SGCD: variants seen among roughly 807,000 people sequenced by gnomAD.
The protein encoded by SGCD is delta-sarcoglycan.
SGCD carries 18 observed loss-of-function variants against 36.6 expected under a neutral mutation model. That is an observed-to-expected ratio of 0.49 (90% confidence interval 0.34 to 0.73). The LOEUF (loss-of-function observed/expected upper bound fraction) is 0.73. SGCD is among the 30% of genes least tolerant of loss of function. The pLI is 0.01. For synonymous variants in SGCD, 133 were observed against 130.6 expected, an observed-to-expected ratio of 1.02 and a Z score of -0.12; for missense variants, 387 against 346.7, an observed-to-expected ratio of 1.12 and a Z score of -0.92.
chr5:156,456,838 T>TTTCA (rs1754285586), intron 3 of SGCD, among the ~76,000 whole-genome samples: 1 of 152,188 alleles, frequency 6.6e-6, no homozygotes, highest in South Asian at 2.1e-4. Flanking sequence ...ACTTGGCAGG[T>TTTCA]TTCATTCATT....
At chr5:156,189,736 G>A (rs1369995645) in intron 3 of SGCD, among the ~76,000 whole-genome samples, 1 of 152,170 alleles carries the variant, frequency 6.6e-6, no homozygotes, top group Middle Eastern at 3.4e-3. Flanking sequence ...CTGTTAGATT[G>A]TATTTTGTGC....
chr5:156,211,574 C>G (rs921885457), intron 3 of SGCD, among the ~76,000 whole-genome samples: 14 of 148,738 alleles, frequency 9.4e-5, no homozygotes, highest in Non-Finnish European at 2.1e-4. Context: ...TGCCACTGCA[C>G]TCCAGCCTGG....
chr5:156,056,769 G>A (rs1286795924), intron 1 of SGCD, among the ~76,000 whole-genome samples: 1 of 144,590 alleles, frequency 6.9e-6, no homozygotes, highest in Non-Finnish European at 1.5e-5. Flanking sequence ...CAATTCTCCT[G>A]TCTTGATAAA....
rs185658403 is a variant in SGCD, at chr5:156,603,181, G to A, written c.502+8130G>A. On this transcript the variant is annotated intron_variant, in intron 6 of 8. Transcript: ENST00000337851. ...ATCCAATCTTGTTAGGTTCTATGGG[G>A]TCCAAGAATTTATCCATTTCATCTA... Among the ~76,000 whole-genome samples the A allele has an allele frequency of 8.6e-4, 131 of 152,008 alleles. 1 individual carries two copies. The highest frequency in any genetic ancestry group is 2.9e-3 in the African/African-American group (122 of 41,502).
At chr5:155,736,061 G>A in the SGCD span, among the ~76,000 whole-genome samples, 2 of 152,294 alleles carry the variant, frequency 1.3e-5, no homozygotes, top group South Asian at 4.1e-4. Flanking sequence ...ATGCTTTGGA[G>A]TATGACCAAA....
At chr5:156,273,273 G>A (rs184882173) in intron 3 of SGCD, among the ~76,000 whole-genome samples, 144 of 152,286 alleles carry the variant, frequency 9.5e-4, no homozygotes, top group Admixed American at 2.6e-3. Context: ...AATAATTGCT[G>A]TGCTTGTAGT....
chr5:156,412,836 C>G (rs943759386), intron 3 of SGCD, among the ~76,000 whole-genome samples: 1 of 145,844 alleles, frequency 6.9e-6, no homozygotes, highest in Non-Finnish European at 1.5e-5. Flanking sequence ...TCGCCCAGGC[C>G]GGACTGCGGA....
At chr5:156,481,138 G>A (rs1049840758) in intron 3 of SGCD, among the ~76,000 whole-genome samples, 1 of 152,154 alleles carries the variant, frequency 6.6e-6, no homozygotes, top group African/African-American at 2.4e-5. Context: ...CGGTATAAAA[G>A]CACAAAGAAG....
chr5:156,176,919 C>A (rs1763487990), intron 3 of SGCD, among the ~76,000 whole-genome samples: 1 of 152,156 alleles, frequency 6.6e-6, no homozygotes, highest in Non-Finnish European at 1.5e-5. Context: ...CCTAGTTTTT[C>A]TCTAAACAAG....
intron 3 of SGCD, among the ~76,000 whole-genome samples, chr5:156,182,152 T>G (rs1763625638): frequency 6.6e-6 from 1 of 152,136 alleles, no homozygotes; most frequent in Non-Finnish European, 1.5e-5. Flanking sequence ...ATTCTAAAAT[T>G]TATATGGAAA....
intron 4 of SGCD, among the ~76,000 whole-genome samples, chr5:156,525,565 A>G (rs1186969994): frequency 6.6e-6 from 1 of 151,740 alleles, no homozygotes; most frequent in Non-Finnish European, 1.5e-5. Flanking sequence ...TTGTATGGAA[A>G]AGTTTTAGTT....
chr5:156,138,561 C>A (rs1255063711), intron 3 of SGCD, among the ~76,000 whole-genome samples: 2 of 152,228 alleles, frequency 1.3e-5, no homozygotes, highest in Non-Finnish European at 2.9e-5. Context: ...CAGCATCATT[C>A]AATTAATATA....
chr5:155,729,546 G>A, the SGCD span, among the ~76,000 whole-genome samples: 1 of 152,228 alleles, frequency 6.6e-6, no homozygotes, highest in Admixed American at 6.5e-5. Flanking sequence ...CGGAATGCCC[G>A]ATTGTCTTGA....
At chr5:155,977,106 C>T (rs937414704) in intron 1 of SGCD, among the ~76,000 whole-genome samples, 5 of 152,232 alleles carry the variant, frequency 3.3e-5, no homozygotes, top group African/African-American at 9.6e-5. Flanking sequence ...GGGCCAAGCG[C>T]TTTGCACCTC....
intron 4 of SGCD, among the ~76,000 whole-genome samples, chr5:156,554,413 G>T (rs1758925523): frequency 6.6e-6 from 1 of 150,542 alleles, no homozygotes. Flanking sequence ...TTTTTATTAT[G>T]ATATATTTTT....
intron 7 of SGCD, among the ~76,000 whole-genome samples, chr5:156,655,220 C>A (rs1259377883): frequency 6.6e-6 from 1 of 152,114 alleles, no homozygotes; most frequent in Non-Finnish European, 1.5e-5. Flanking sequence ...CTTACCTAAT[C>A]AAACATGAGA....
At chr5:156,270,940 G>A (rs1281373117) in intron 3 of SGCD, among the ~76,000 whole-genome samples, 1 of 152,156 alleles carries the variant, frequency 6.6e-6, no homozygotes, top group African/African-American at 2.4e-5. Flanking sequence ...ATAAAAAATA[G>A]ACACTGAACT....
At chr5:156,087,025 T>C (rs1761115512) in intron 1 of SGCD, among the ~76,000 whole-genome samples, 2 of 152,196 alleles carry the variant, frequency 1.3e-5, no homozygotes, top group African/African-American at 4.8e-5. Flanking sequence ...AGCATTGTAA[T>C]ACAAGGGTTG....
chr5:156,200,875 C>T (rs75363043), intron 3 of SGCD, among the ~76,000 whole-genome samples: 6,109 of 152,150 alleles, frequency 0.04, 433 homozygotes, highest in African/African-American at 0.14. Context: ...AAGCAAAATG[C>T]AGTAGAGACA....
Sources: allele counts gnomAD v4.1 joint callset (sites outside exome capture counted in the v4.1 genomes callset), GRCh38; gene constraint gnomAD v4.1.1; transcripts MANE v1.5; gene names NCBI Gene and HGNC (gene_info 2026-07-23, HGNC 2026-07-21).